Variants in TMEM114 observed in about 807,000 individuals in gnomAD.
TMEM114 encodes the protein transmembrane protein 114.
A neutral mutation model predicts 6.2 loss-of-function variants in TMEM114; 6 were observed. That is an observed-to-expected ratio of 0.97 (90% CI 0.53 to 1.91). The LOEUF is 1.91. TMEM114 is among the 40% of genes most tolerant of loss of function. TMEM114 has a pLI of 0.01. For missense variants in TMEM114, 218 were observed against 158.3 expected (o/e 1.38, Z -2.02); for synonymous variants, 104 against 73.0 (o/e 1.42, Z -2.16).
intron 2 of TMEM114, among the ~76,000 whole-genome samples, chr16:8,547,789 G>T (rs1386876027): frequency 5.3e-5 from 8 of 152,118 alleles, no homozygotes; most frequent in Non-Finnish European, 1.2e-4. Flanking sequence ...GGGGAAGTGC[G>T]GACCACAGTC....
At chr16:8,540,100 A>G (rs929548219) in intron 2 of TMEM114, among the ~76,000 whole-genome samples, 2 of 152,230 alleles carry the variant, frequency 1.3e-5, no homozygotes, top group African/African-American at 4.8e-5. Flanking sequence ...CTGGGATTAC[A>G]GGCTTGAACT....
At position 8,550,424 on chromosome 16, in the gene TMEM114, C is replaced by T. The variant is rs112185808; in HGVS notation, n.213-12598G>A. Reference sequence around the variant, plus strand: ...GGCCGGGTGCGGTGGCTCACGCCTGCAATTCCAGCACTTTGGGAGGCCAAG... The same window carrying T: ...GGCCGGGTGCGGTGGCTCACGCCTGTAATTCCAGCACTTTGGGAGGCCAAG... On this transcript the variant is annotated intron_variant and non_coding_transcript_variant, in intron 2 of 2. Transcript: ENST00000623677. Among the ~76,000 whole-genome samples the T allele has an allele frequency of 9.9e-5, 15 of 152,168 alleles. 1 individual carries two copies. The highest frequency in any genetic ancestry group is 3.6e-4 in the African/African-American group (15 of 41,524).
downstream of TMEM114, among the ~76,000 whole-genome samples, chr16:8,536,894 A>C (rs915914130): frequency 6.6e-5 from 10 of 152,138 alleles, no homozygotes; most frequent in African/African-American, 2.4e-4. Flanking sequence ...TGGCTGTAGG[A>C]ATCACACATT....
chr16:8,543,380 G>T (rs1296941386), intron 2 of TMEM114, among the ~76,000 whole-genome samples: 1 of 152,014 alleles, frequency 6.6e-6, no homozygotes, highest in Non-Finnish European at 1.5e-5. Context: ...GCACTTGCTT[G>T]TTACCTTGTC....
intron 2 of TMEM114, among the ~76,000 whole-genome samples, chr16:8,563,310 TGAGG>T (rs1227409370): frequency 2.0e-5 from 3 of 149,006 alleles, no homozygotes; most frequent in African/African-American, 7.6e-5. Context: ...AATGAGTGAG[TGAGG>T]GAGGGAGGGT....
the TMEM114 span, among the ~76,000 whole-genome samples, chr16:8,530,447 C>G: frequency 2.0e-5 from 3 of 152,070 alleles, no homozygotes; most frequent in African/African-American, 7.2e-5. Context: ...ATAATCTAAT[C>G]TGGGAAGGAC....
At chr16:8,586,219 A>G (rs966598016) in intron 2 of TMEM114, among the ~76,000 whole-genome samples, 4 of 152,318 alleles carry the variant, frequency 2.6e-5, no homozygotes, top group South Asian at 4.1e-4. Context: ...AGCACTTACC[A>G]TATGTCTGGA....
chr16:8,535,391 T>C (rs746416011), downstream of TMEM114, among the ~76,000 whole-genome samples: 1 of 151,990 alleles, frequency 6.6e-6, no homozygotes, highest in African/African-American at 2.4e-5. Flanking sequence ...GGAACCAGGG[T>C]ACAGAGCTTC....
chr16:8,559,469 C>G (rs1393585847), intron 2 of TMEM114, among the ~76,000 whole-genome samples: 1 of 152,134 alleles, frequency 6.6e-6, no homozygotes, highest in Non-Finnish European at 1.5e-5. Flanking sequence ...GCCATGGGCT[C>G]CCTGAGCTGC....
At chr16:8,543,131 T>C (rs1900562725) in intron 2 of TMEM114, among the ~76,000 whole-genome samples, 2 of 152,202 alleles carry the variant, frequency 1.3e-5, no homozygotes, top group South Asian at 4.1e-4. Flanking sequence ...TCGGTGTTTC[T>C]GAAGTGTTTG....
chr16:8,555,009 G>T (rs551907550), intron 2 of TMEM114, among the ~76,000 whole-genome samples: 1 of 152,342 alleles, frequency 6.6e-6, no homozygotes, highest in South Asian at 2.1e-4. Flanking sequence ...CAGAAGGTGA[G>T]GCAGCCTTCA....
chr16:8,536,553 A>G (rs11860190), downstream of TMEM114, among the ~76,000 whole-genome samples: 19,748 of 152,198 alleles, frequency 0.13, 1,636 homozygotes, highest in African/African-American at 0.24. Context: ...GAAGTCTTCA[A>G]TAAATTGCTT....
chr16:8,527,852 T>A, the TMEM114 span, among the ~76,000 whole-genome samples: 1 of 152,142 alleles, frequency 6.6e-6, no homozygotes, highest in African/African-American at 2.4e-5. Flanking sequence ...AGTTATTATT[T>A]CCCCCTCCTC....
At chr16:8,541,988 C>T (rs959625909) in intron 2 of TMEM114, among the ~76,000 whole-genome samples, 4 of 152,144 alleles carry the variant, frequency 2.6e-5, no homozygotes, top group Admixed American at 2.6e-4. Context: ...CTAAGGGATC[C>T]ACCACCCTGC....
At chr16:8,572,334 C>T in intron 2 of TMEM114, 110 bp from the exon 3 acceptor site, 1 of 1,178,822 alleles carries the variant, frequency 8.5e-7, no homozygotes. Context: ...TCCACACTGT[C>T]ACTGCCCCTA....
chr16:8,558,991 C>T (rs1901109091), intron 2 of TMEM114, among the ~76,000 whole-genome samples: 1 of 151,838 alleles, frequency 6.6e-6, no homozygotes. Context: ...AATCCACCCA[C>T]CTCAGCCTCC....
intron 2 of TMEM114, among the ~76,000 whole-genome samples, chr16:8,561,587 G>A (rs892624220): frequency 6.6e-6 from 1 of 152,254 alleles, no homozygotes; most frequent in Admixed American, 6.5e-5. Context: ...ACTGTTGAAT[G>A]AATGAGTCGA....
At chr16:8,564,623 G>A (rs1596481072), downstream of TMEM114, among the ~76,000 whole-genome samples, 1 of 138,878 alleles carries the variant, frequency 7.2e-6, no homozygotes, top group African/African-American at 2.7e-5. Flanking sequence ...GTGAGTGAAT[G>A]AGTGAGTGAG....
intron 2 of TMEM114, among the ~76,000 whole-genome samples, chr16:8,542,361 A>G (rs1478252274): frequency 2.0e-5 from 3 of 152,102 alleles, no homozygotes; most frequent in Non-Finnish European, 1.5e-5. Context: ...CATCTATTTC[A>G]CATTTTTAAA....
Sources: gnomAD v4.1 joint callset for allele counts (sites outside exome capture counted in the v4.1 genomes callset) on GRCh38, gnomAD v4.1.1 for gene constraint, MANE v1.5 for transcripts, NCBI Gene and HGNC (gene_info 2026-07-23, HGNC 2026-07-21) for gene names.